The following COL15A1 variants were observed in gnomAD, a reference collection of about 807,000 sequenced individuals.
COL15A1 encodes collagen alpha-1(XV) chain.
COL15A1 carries 111 observed loss-of-function variants against 165.9 expected under a neutral mutation model. The ratio of observed to expected loss-of-function variants is 0.67; its 90% CI spans 0.57 to 0.78. The LOEUF is 0.78. COL15A1 is among the 30% of genes least tolerant of loss of function. The pLI, the probability that COL15A1 is intolerant of heterozygous loss-of-function variation, is 0.00. For synonymous variants in COL15A1, 659 were observed against 674.8 expected (o/e 0.98, Z 0.36); for missense variants, 1,745 against 1,789.7 (o/e 0.98, Z 0.45).
chr9:99,051,588 T>G (rs1437437372), intron 30 of COL15A1, among the ~76,000 whole-genome samples: 1 of 152,224 alleles, frequency 6.6e-6, no homozygotes, highest in Non-Finnish European at 1.5e-5. Context: ...GATAACAGCT[T>G]GGAGCTGCAA....
intron 5 of COL15A1, among the ~76,000 whole-genome samples, chr9:98,994,330 G>A (rs1251901046): frequency 2.6e-5 from 4 of 152,130 alleles, no homozygotes; most frequent in African/African-American, 7.2e-5. Context: ...CAGTTCTCTG[G>A]ACAGACCGAG....
At chr9:99,015,649 C>A in intron 10 of COL15A1, 83 bp downstream of exon 10, 1 of 1,350,778 alleles carries the variant, frequency 7.4e-7, no homozygotes, top group South Asian at 1.3e-5. Context: ...TTGGCCTTGG[C>A]AGGGGCACCT....
chr9:99,060,241 TATATATA>T (rs1315871510), intron 36 of COL15A1, among the ~76,000 whole-genome samples: 1 of 123,890 alleles, frequency 8.1e-6, no homozygotes, highest in African/African-American at 3.6e-5. Context: ...TTTTTATATA[TATATATA>T]TATATATATT....
chr9:99,007,441 A>G (rs1323897998), intron 9 of COL15A1, among the ~76,000 whole-genome samples: 3 of 152,142 alleles, frequency 2.0e-5, no homozygotes, highest in African/African-American at 7.2e-5. Context: ...TTTCAGATAA[A>G]GCATTTTAAA....
intron 35 of COL15A1, among the ~76,000 whole-genome samples, chr9:99,058,077 C>A (rs1235180379): frequency 6.6e-6 from 1 of 152,242 alleles, no homozygotes; most frequent in African/African-American, 2.4e-5. Context: ...CTGGCCATCT[C>A]TTGTCTCGGC....
rs1839045520 is a variant in COL15A1 at position 99,022,535 on chromosome 9, C to A, written c.1761+385C>A. On this transcript the variant is annotated intron_variant, in intron 13 of 41. Coordinates refer to ENST00000375001, the MANE Select transcript of COL15A1 (RefSeq NM_001855.5). Reference sequence around the variant, plus strand: ...CCCTGCCCAGTGTGTCCCCATGTCCCCCTGAGTCTAGCTGTGCAGTGCCTC... The same window carrying A: ...CCCTGCCCAGTGTGTCCCCATGTCCACCTGAGTCTAGCTGTGCAGTGCCTC... Among the ~76,000 whole-genome samples the A allele has an allele frequency of 2.0e-5, 3 of 152,266 alleles. No individual in the cohort carries two copies. In the South Asian group the frequency reaches 6.2e-4, roughly 32 times the overall value.
chr9:99,033,448 C>T (rs1588525009), intron 16 of COL15A1, among the ~76,000 whole-genome samples: 1 of 152,226 alleles, frequency 6.6e-6, no homozygotes, highest in African/African-American at 2.4e-5. Flanking sequence ...AGAATTTCAA[C>T]CTATCTACCT....
At chr9:98,961,615 G>C (rs10988375) in intron 2 of COL15A1, among the ~76,000 whole-genome samples, 28,977 of 152,118 alleles carry the variant, frequency 0.19, 3,381 homozygotes, top group Non-Finnish European at 0.26. Context: ...ATGAAAGCAG[G>C]GCCTTCGCCC....
At chr9:99,005,935 T>C (rs546437759) in intron 9 of COL15A1, among the ~76,000 whole-genome samples, 1 of 152,306 alleles carries the variant, frequency 6.6e-6, no homozygotes, top group Non-Finnish European at 1.5e-5. Context: ...CCTTGCAGGG[T>C]CTGGCCTACC....
At position 99,047,814 on chromosome 9, in the gene COL15A1, G is replaced by A. The variant is rs767583248; in HGVS notation, c.2708G>A (p.Gly903Glu). The change falls in exon 27 of 42, where the codon GGA (glycine) becomes GAA (glutamate). Residue 903 changes from glycine (G) to glutamate (E), a missense_variant. Coordinates refer to ENST00000375001, the MANE Select transcript of COL15A1 (RefSeq NM_001855.5). ...MGPKGPPGHK[G>E]EFGLPGRPGR... ...CCCAAAGGACCACCAGGACATAAAG[G>A]AGAATTTGGCCTTCCCGGGCGACCT... The A allele has an allele frequency of 1.2e-6, 2 of 1,614,128 alleles. No individual in the cohort carries two copies. Among genetic ancestry groups the A allele is most frequent in the Admixed American group, 1.7e-5 (1 of 60,018 alleles).
chr9:98,955,877 C>A (rs1837767927), intron 2 of COL15A1, among the ~76,000 whole-genome samples: 1 of 152,224 alleles, frequency 6.6e-6, no homozygotes, highest in African/African-American at 2.4e-5. Context: ...CTAGTTCTGA[C>A]TTGATTGTCT....
intron 36 of COL15A1, among the ~76,000 whole-genome samples, chr9:99,061,078 G>A (rs1044583252): frequency 1.1e-3 from 175 of 152,262 alleles, no homozygotes; most frequent in African/African-American, 4.1e-3. Flanking sequence ...ACAGAAAAAT[G>A]GACAAATACT....
chr9:99,064,849 C>T (rs1432426059), intron 39 of COL15A1, among the ~76,000 whole-genome samples: 1 of 152,092 alleles, frequency 6.6e-6, no homozygotes, highest in East Asian at 1.9e-4. Flanking sequence ...TTCAAAAAGC[C>T]CCAAAGTTAG....
chr9:99,024,268 G>GGTTTT (rs1839078305), intron 14 of COL15A1, among the ~76,000 whole-genome samples: 1 of 131,460 alleles, frequency 7.6e-6, no homozygotes, highest in African/African-American at 3.1e-5. Flanking sequence ...ACCACAAGCA[G>GGTTTT]TTTTTTTTGT....
intron 16 of COL15A1, among the ~76,000 whole-genome samples, chr9:99,027,435 A>G (rs936253613): frequency 2.0e-5 from 3 of 152,184 alleles, no homozygotes; most frequent in African/African-American, 7.2e-5. Flanking sequence ...TACAATTGTC[A>G]AGCTTTATAG....
At chr9:99,055,678 G>C (rs1219051060) in intron 34 of COL15A1, among the ~76,000 whole-genome samples, 1 of 152,226 alleles carries the variant, frequency 6.6e-6, no homozygotes, top group African/African-American at 2.4e-5. Flanking sequence ...GAATGCATCA[G>C]ATAACAGAAG....
chr9:99,066,189 T>TTGA (rs1564098040), intron 39 of COL15A1, among the ~76,000 whole-genome samples: 1 of 151,276 alleles, frequency 6.6e-6, no homozygotes, highest in Non-Finnish European at 1.5e-5. Context: ...GCAGAAAGGC[T>TTGA]GAGAGAGGGC....
At position 99,062,232 on chromosome 9, in the gene COL15A1, G is replaced by C. The variant is rs1434020723; in HGVS notation, c.3532-13G>C. On this transcript the variant is annotated splice_polypyrimidine_tract_variant and intron_variant, in intron 37 of 41. Transcript: ENST00000375001. ...AATTGATCTTTCATTTCAATGTACT[G>C]TTTTTCTTAAAGCTGGGAGAACTGA... 1.9e-6 allele frequency: 3 copies of C among 1,612,914 alleles called. No individual in the cohort carries two copies. The highest frequency in any genetic ancestry group is 1.7e-5 in the Admixed American group (1 of 60,016).
At position 99,005,036 on chromosome 9, in the gene COL15A1, G is replaced by T. The variant is rs765633564; in HGVS notation, c.1339G>T (p.Glu447Ter). The change falls in exon 9 of 42, where the codon GAA (glutamate) becomes TAA (stop). Residue 447 changes from glutamate to a stop codon, truncating the protein, a stop_gained. Transcript: ENST00000375001. LOFTEE classifies it high-confidence loss of function. ...DLSMSAQSLG[E>*]EATVGPSSED... The stretch of plus-strand genomic sequence containing the variant: ...CTCCATGTCCGCCCAGAGCCTCGGG[G>T]AAGAGGCCACTGTGGTAAGGATCGT... 6.2e-7 allele frequency: 1 copy of T among 1,608,942 alleles called. No homozygotes were observed. Among genetic ancestry groups the T allele is most frequent in the African/African-American group, 1.3e-5 (1 of 74,922 alleles).
Sources: allele counts gnomAD v4.1 joint callset (sites outside exome capture counted in the v4.1 genomes callset), GRCh38; gene constraint gnomAD v4.1.1; transcripts MANE v1.5; gene names NCBI Gene and HGNC (gene_info 2026-07-23, HGNC 2026-07-21).